The following RALGPS1 variants were observed in gnomAD, a reference collection of about 807,000 sequenced individuals.
RALGPS1 encodes Ral GEF with PH domain and SH3 binding motif 1, also known as ras-specific guanine nucleotide-releasing factor RalGPS1.
RALGPS1 carries 19 observed loss-of-function variants against 78.8 expected under a neutral mutation model. That is an observed-to-expected ratio of 0.24 (90% CI 0.17 to 0.35). The LOEUF is 0.35. Ranked by LOEUF, RALGPS1 falls within the 10% of genes least tolerant of loss-of-function variation. The pLI is 1.00. For synonymous variants in RALGPS1, 228 were observed against 256.3 expected (o/e 0.89, Z 1.06); for missense variants, 454 against 688.3 (o/e 0.66, Z 3.81).
intron 6 of RALGPS1, among the ~76,000 whole-genome samples, chr9:127,050,657 C>T (rs1047183654): frequency 6.6e-6 from 1 of 152,096 alleles, no homozygotes; most frequent in African/African-American, 2.4e-5. Flanking sequence ...CTGATAGGTT[C>T]TGTCCTTGTT....
In RALGPS1 at chr9:126,929,631, A is replaced by T. The variant is rs548051952; in HGVS notation, c.-66+14656A>T. On this transcript the variant is annotated intron_variant, in intron 1 of 18. Transcript: ENST00000259351. The stretch of plus-strand genomic sequence containing the variant: ...CACGCCCAGCTAATTTTGTATTATT[A>T]TTTTTTTTTTTAAGTAGAGACGGAG... Among the ~76,000 whole-genome samples the T allele has an allele frequency of 4.7e-4, 70 of 149,026 alleles. No homozygotes were observed. In the South Asian group the frequency reaches 9.6e-3, roughly 21 times the overall value.
intron 4 of RALGPS1, among the ~76,000 whole-genome samples, chr9:127,014,606 G>A (rs1266967046): frequency 6.6e-6 from 1 of 152,278 alleles, no homozygotes; most frequent in East Asian, 1.9e-4. Flanking sequence ...TATGAGATTA[G>A]GAATGGAGAC....
intron 6 of RALGPS1, among the ~76,000 whole-genome samples, chr9:127,050,795 T>G (rs556787166): frequency 6.6e-6 from 1 of 152,330 alleles, no homozygotes; most frequent in African/African-American, 2.4e-5. Flanking sequence ...CAGGCTTGCC[T>G]GACTCTCAGC....
intron 9 of RALGPS1, among the ~76,000 whole-genome samples, chr9:127,168,103 T>C (rs1452216607): frequency 6.6e-6 from 1 of 152,220 alleles, no homozygotes; most frequent in Non-Finnish European, 1.5e-5. Flanking sequence ...TCCTATAAAA[T>C]TACCTGCTGC....
intron 4 of RALGPS1, among the ~76,000 whole-genome samples, chr9:126,996,243 G>A (rs2042742737): frequency 6.6e-6 from 1 of 152,160 alleles, no homozygotes; most frequent in African/African-American, 2.4e-5. Flanking sequence ...GAATCCAGGA[G>A]CTGGTTTTTT....
At chr9:127,022,477 A>G (rs957916833) in intron 4 of RALGPS1, among the ~76,000 whole-genome samples, 1 of 150,694 alleles carries the variant, frequency 6.6e-6, no homozygotes, top group Non-Finnish European at 1.5e-5. Context: ...TTGGGGAGCC[A>G]CCTCTGCCCA....
chr9:127,025,466 C>T (rs569813587), intron 4 of RALGPS1, among the ~76,000 whole-genome samples: 7 of 152,290 alleles, frequency 4.6e-5, no homozygotes, highest in Admixed American at 4.6e-4. Context: ...AAGTGTGTGC[C>T]TAACTTGATG....
chr9:126,962,443 C>G, intron 2 of RALGPS1, 97 bp downstream of exon 2: 1 of 1,218,908 alleles, frequency 8.2e-7, no homozygotes, highest in East Asian at 2.4e-5. Flanking sequence ...CAGTAGGGCT[C>G]TGTGAATACC....
chr9:127,063,777 C>T (rs937472425), intron 7 of RALGPS1, among the ~76,000 whole-genome samples: 10 of 152,268 alleles, frequency 6.6e-5, no homozygotes, highest in Admixed American at 5.9e-4. Context: ...CATAGTTTAA[C>T]GTATAGTATT....
chr9:127,168,234 T>C (rs981157366), intron 9 of RALGPS1, among the ~76,000 whole-genome samples: 1 of 152,202 alleles, frequency 6.6e-6, no homozygotes, highest in Non-Finnish European at 1.5e-5. Flanking sequence ...CAGGGTCTGT[T>C]CATTCATTCT....
intron 11 of RALGPS1, among the ~76,000 whole-genome samples, chr9:127,177,627 C>T (rs12349394): frequency 0.47 from 71,005 of 152,028 alleles, 17,049 homozygotes; most frequent in Non-Finnish European, 0.48. Flanking sequence ...CACTGGCTCC[C>T]GCTGCTAGGG....
intron 8 of RALGPS1, among the ~76,000 whole-genome samples, chr9:127,124,381 G>T (rs1356347450): frequency 1.3e-5 from 2 of 152,212 alleles, no homozygotes; most frequent in Admixed American, 1.3e-4. Flanking sequence ...AGACACGTGA[G>T]CAAGGAAAGA....
At chr9:126,961,620 T>C (rs894561663) in intron 1 of RALGPS1, among the ~76,000 whole-genome samples, 3 of 152,010 alleles carry the variant, frequency 2.0e-5, no homozygotes, top group African/African-American at 2.4e-5. Flanking sequence ...CTAGGCAACA[T>C]AGCAAGACCC....
At position 126,936,818 on chromosome 9, in the gene RALGPS1, A is replaced by G. The variant is rs554704000; in HGVS notation, c.-66+21843A>G. On this transcript the variant is annotated intron_variant, in intron 1 of 18. Transcript: ENST00000259351. ...GTGGAGTAGAGATATGGAGACAGGT[A>G]AGGAAGGAGTGCAGGGAACAGGAAC... Among the ~76,000 whole-genome samples, 233 of 152,194 alleles carry G rather than the reference A, an allele frequency of 1.5e-3. 1 individual carries two copies. Among genetic ancestry groups the G allele is most frequent in the Middle Eastern group, 3.4e-3 (1 of 290 alleles).
chr9:127,176,560 C>G (rs1202103272), intron 11 of RALGPS1, among the ~76,000 whole-genome samples: 1 of 152,218 alleles, frequency 6.6e-6, no homozygotes, highest in African/African-American at 2.4e-5. Flanking sequence ...GGTGGTCTGT[C>G]CTTCCGAGTC....
chr9:126,957,763 C>T (rs571896612), intron 1 of RALGPS1, among the ~76,000 whole-genome samples: 436 of 152,158 alleles, frequency 2.9e-3, no homozygotes, highest in Admixed American at 4.8e-3. Flanking sequence ...GGAAGCCTTT[C>T]CTTGCCTCCA....
intron 5 of RALGPS1, among the ~76,000 whole-genome samples, chr9:127,044,348 C>T (rs1195135628): frequency 6.6e-6 from 1 of 152,110 alleles, no homozygotes; most frequent in Non-Finnish European, 1.5e-5. Context: ...CCTCCGCCTC[C>T]TGGGTTCAAG....
At chr9:127,209,555 C>T (rs2062121397) in intron 14 of RALGPS1, among the ~76,000 whole-genome samples, 1 of 152,120 alleles carries the variant, frequency 6.6e-6, no homozygotes, top group African/African-American at 2.4e-5. Flanking sequence ...GGTTAGAGGA[C>T]TGGGGGTCCA....
chr9:126,943,435 G>A (rs970133794), intron 1 of RALGPS1, among the ~76,000 whole-genome samples: 2 of 152,188 alleles, frequency 1.3e-5, no homozygotes, highest in Admixed American at 1.3e-4. Flanking sequence ...GAACCACCGT[G>A]CCTGGCCTTA....
Sources: gnomAD v4.1 joint callset for allele counts (sites outside exome capture counted in the v4.1 genomes callset) on GRCh38, gnomAD v4.1.1 for gene constraint, MANE v1.5 for transcripts, NCBI Gene and HGNC (gene_info 2026-07-23, HGNC 2026-07-21) for gene names.